Variants in CTNNA3 observed in about 807,000 individuals in gnomAD.
CTNNA3 encodes catenin alpha-3.
CTNNA3 carries 76 observed loss-of-function variants against 95.7 expected under a neutral mutation model. The observed-to-expected ratio is 0.79, with a 90% CI of 0.66 to 0.96. The LOEUF (loss-of-function observed/expected upper bound fraction) is 0.96. Ranked by LOEUF, CTNNA3 falls within the 40% of genes least tolerant of loss-of-function variation. The pLI is 0.00. For missense variants in CTNNA3, 1,191 were observed against 1,089.8 expected (o/e 1.09, Z -1.31); for synonymous variants, 431 against 374.4 (o/e 1.15, Z -1.74).
chr10:67,123,315 T>A (rs755417927), intron 7 of CTNNA3, among the ~76,000 whole-genome samples: 1 of 152,144 alleles, frequency 6.6e-6, no homozygotes, highest in Non-Finnish European at 1.5e-5. Context: ...GCTTGATGTA[T>A]GCTAGTCCTG....
At chr10:67,726,089 T>C (rs1235141016) in intron 1 of CTNNA3, among the ~76,000 whole-genome samples, 3 of 118,586 alleles carry the variant, frequency 2.5e-5, no homozygotes, top group Non-Finnish European at 4.8e-5. Flanking sequence ...TTATATATTA[T>C]AATATATAAT....
intron 11 of CTNNA3, among the ~76,000 whole-genome samples, chr10:66,519,800 G>C (rs555850783): frequency 1.3e-5 from 2 of 152,234 alleles, no homozygotes; most frequent in South Asian, 4.1e-4. Flanking sequence ...CATGTCATCA[G>C]GAACTTCTGA....
intron 17 of CTNNA3, among the ~76,000 whole-genome samples, chr10:65,926,130 C>T (rs1303238645): frequency 3.3e-5 from 5 of 151,024 alleles, no homozygotes; most frequent in Non-Finnish European, 7.4e-5. Context: ...TGGTAACCTG[C>T]ATAACTGTTT....
At chr10:67,501,417 C>T (rs116089701) in intron 5 of CTNNA3, among the ~76,000 whole-genome samples, 3,807 of 152,154 alleles carry the variant, frequency 0.025, 177 homozygotes, top group African/African-American at 0.086. Flanking sequence ...ATTTCAACCA[C>T]GATGAATCTG....
At chr10:66,446,655 C>T (rs139483934) in intron 11 of CTNNA3, among the ~76,000 whole-genome samples, 52 of 152,134 alleles carry the variant, frequency 3.4e-4, no homozygotes, top group African/African-American at 1.1e-3. Context: ...CAATAAATTA[C>T]GTATTGATGG....
rs1041357252 is a variant in CTNNA3 at position 66,021,847 on chromosome 10, CTTGGCTTT to C, written c.2160-33058_2160-33051del. Among the ~76,000 whole-genome samples, 128 of 44,216 alleles carry C rather than the reference CTTGGCTTT, an allele frequency of 2.9e-3. 4 individuals are homozygous for C. The East Asian group carries it at 0.18, about 61-fold the overall frequency. The allele number at this position is 44,216 out of a possible 152,430, so 29.0% of individuals were successfully genotyped here. A position where few individuals can be genotyped will look rare whatever the true frequency, so the allele number is the denominator to read the frequency against. ...AATCTGGAAATTCCATATACAGGATCTTGGCTTTTTTTTTTTTTTTTAGATAGATAGGG... is the reference window on the plus strand; with the variant it reads ...AATCTGGAAATTCCATATACAGGATCTTTTTTTTTTTTTAGATAGATAGGG... On this transcript the variant is annotated intron_variant, in intron 15 of 17. Transcript: ENST00000433211.
chr10:66,970,806 C>T (rs1046007107), intron 7 of CTNNA3, among the ~76,000 whole-genome samples: 4 of 152,074 alleles, frequency 2.6e-5, no homozygotes, highest in African/African-American at 9.7e-5. Flanking sequence ...AAAAAAGAGA[C>T]AGTATATACA....
intron 1 of CTNNA3, among the ~76,000 whole-genome samples, chr10:67,723,694 A>AT (rs1169779282): frequency 1.3e-5 from 2 of 152,188 alleles, no homozygotes; most frequent in Non-Finnish European, 2.9e-5. Context: ...TTCAAAACAT[A>AT]AAGTATCCTC....
intron 9 of CTNNA3, among the ~76,000 whole-genome samples, chr10:66,748,057 A>C (rs1838959773): frequency 6.6e-6 from 1 of 152,112 alleles, no homozygotes; most frequent in African/African-American, 2.4e-5. Flanking sequence ...TCCTGCTGTC[A>C]GTCCTTACCA....
At chr10:66,906,653 GTGTT>G (rs1016558474) in intron 7 of CTNNA3, among the ~76,000 whole-genome samples, 7 of 152,102 alleles carry the variant, frequency 4.6e-5, no homozygotes, top group Admixed American at 1.3e-4. Context: ...GTGTGTGTGT[GTGTT>G]TGTGTTTGTG....
chr10:66,897,404 A>C (rs1845542850), intron 7 of CTNNA3, among the ~76,000 whole-genome samples: 1 of 152,146 alleles, frequency 6.6e-6, no homozygotes, highest in East Asian at 1.9e-4. Context: ...TGACTTTGGA[A>C]ACATGAAAAT....
At chr10:67,251,924 A>G (rs754619170) in intron 5 of CTNNA3, among the ~76,000 whole-genome samples, 27 of 152,062 alleles carry the variant, frequency 1.8e-4, no homozygotes, top group Non-Finnish European at 3.5e-4. Context: ...AAGAGAATCA[A>G]GACCTGAGGA....
intron 11 of CTNNA3, among the ~76,000 whole-genome samples, chr10:66,510,980 A>G (rs1840635230): frequency 6.6e-6 from 1 of 151,768 alleles, no homozygotes; most frequent in Non-Finnish European, 1.5e-5. Flanking sequence ...AGTTATTTAA[A>G]AGTTTGCTAG....
intron 7 of CTNNA3, among the ~76,000 whole-genome samples, chr10:66,911,077 C>T (rs1846201950): frequency 6.6e-6 from 1 of 152,144 alleles, no homozygotes; most frequent in Admixed American, 6.5e-5. Context: ...AAATATTATG[C>T]TAGCCATGTG....
At chr10:67,223,113 A>G (rs1302506439) in intron 5 of CTNNA3, among the ~76,000 whole-genome samples, 3 of 152,240 alleles carry the variant, frequency 2.0e-5, no homozygotes, top group Non-Finnish European at 2.9e-5. Context: ...CATAACAAAT[A>G]TAACGTTACA....
chr10:67,109,824 C>G (rs576546713), intron 7 of CTNNA3, among the ~76,000 whole-genome samples: 3 of 152,176 alleles, frequency 2.0e-5, no homozygotes, highest in South Asian at 4.2e-4. Context: ...GCCTGGGCAA[C>G]AGAGAGAGAC....
At chr10:66,132,099 CAGAGT>C (rs1249644748) in intron 13 of CTNNA3, among the ~76,000 whole-genome samples, 2 of 152,096 alleles carry the variant, frequency 1.3e-5, no homozygotes, top group African/African-American at 2.4e-5. Context: ...AAATTATCAA[CAGAGT>C]AAACAGACAA....
At chr10:67,485,477 A>G (rs1050854856) in intron 5 of CTNNA3, among the ~76,000 whole-genome samples, 14 of 152,208 alleles carry the variant, frequency 9.2e-5, no homozygotes, top group Admixed American at 7.9e-4. Context: ...ACAAACCTGC[A>G]CATGTACCCC....
At chr10:67,309,544 G>A (rs755916746) in intron 5 of CTNNA3, among the ~76,000 whole-genome samples, 10 of 152,182 alleles carry the variant, frequency 6.6e-5, no homozygotes, top group Non-Finnish European at 1.5e-4. Flanking sequence ...AAGAATAAGT[G>A]TGTGTATACA....
Sources: gnomAD v4.1 joint callset for allele counts (sites outside exome capture counted in the v4.1 genomes callset) on GRCh38, gnomAD v4.1.1 for gene constraint, MANE v1.5 for transcripts, NCBI Gene and HGNC (gene_info 2026-07-23, HGNC 2026-07-21) for gene names.